The following PIP4K2A variants were observed in gnomAD, a reference collection of about 807,000 sequenced individuals.
The protein encoded by PIP4K2A is phosphatidylinositol 5-phosphate 4-kinase type-2 alpha.
PIP4K2A carries 14 observed loss-of-function variants against 42.9 expected under a neutral mutation model. That is an observed-to-expected ratio of 0.33 (90% CI 0.22 to 0.51). The LOEUF is 0.51. Among genes scored for constraint, PIP4K2A ranks in the 20% least tolerant of loss-of-function variants. The pLI is 0.97. For synonymous variants in PIP4K2A, 192 were observed against 192.2 expected (o/e 1.00, Z 0.01); for missense variants, 434 against 519.8 (o/e 0.83, Z 1.61).
intron 1 of PIP4K2A, among the ~76,000 whole-genome samples, chr10:22,668,126 AT>A (rs1171859772): frequency 6.6e-6 from 1 of 151,954 alleles, no homozygotes; most frequent in Non-Finnish European, 1.5e-5. Flanking sequence ...TGATTTTTGT[AT>A]TTTTAGTAGA....
At chr10:22,616,654 T>G (rs1417373379) in intron 1 of PIP4K2A, among the ~76,000 whole-genome samples, 2 of 152,070 alleles carry the variant, frequency 1.3e-5, no homozygotes, top group African/African-American at 4.8e-5. Context: ...GAAATTTAAG[T>G]CTTCATTGTG....
rs117626964 is a variant in PIP4K2A, at chr10:22,701,442, C to G, written c.144+12741G>C. Among the ~76,000 whole-genome samples, 1,101 of 152,270 alleles carry G rather than the reference C, an allele frequency of 7.2e-3. 6 individuals are homozygous for G. Among genetic ancestry groups the G allele is most frequent in the Middle Eastern group, 0.02 (6 of 294 alleles). ...TTCTACCACATCTATACCTGGTTAT[C>G]CAACAATGTCTGTTACCCCTGCCCA... is the stretch of plus-strand genomic sequence containing the variant. On this transcript the variant is annotated intron_variant, in intron 1 of 9. Coordinates refer to ENST00000376573, the MANE Select transcript of PIP4K2A (RefSeq NM_005028.5).
At chr10:22,604,150 A>G (rs924615891) in intron 3 of PIP4K2A, among the ~76,000 whole-genome samples, 20 of 152,220 alleles carry the variant, frequency 1.3e-4, no homozygotes, top group Admixed American at 1.3e-3. Flanking sequence ...TTTTTAAAAG[A>G]TATTCCAGAA....
At chr10:22,679,579 A>G (rs1428133577) in intron 1 of PIP4K2A, among the ~76,000 whole-genome samples, 1 of 152,212 alleles carries the variant, frequency 6.6e-6, no homozygotes, top group Non-Finnish European at 1.5e-5. Flanking sequence ...AAATAAAAAC[A>G]TGGGTCCACA....
rs1239594578 is a variant in PIP4K2A, at chr10:22,625,451, CAT to C, written c.145-15736_145-15735del. On this transcript the variant is annotated intron_variant, in intron 1 of 9. Transcript: ENST00000376573. ...TGACTATAATGTATACATCACAATACATGTTATTCGTATGCCCTGATTTCACA... is the reference window on the plus strand; with the variant it reads ...TGACTATAATGTATACATCACAATACGTTATTCGTATGCCCTGATTTCACA... 2.6e-5 allele frequency among the ~76,000 whole-genome samples: 4 copies of C among 152,234 alleles called. No individual in the cohort carries two copies. The East Asian group carries it at 7.7e-4, about 29-fold the overall frequency.
chr10:22,695,462 T>G (rs1839950334), intron 1 of PIP4K2A, among the ~76,000 whole-genome samples: 1 of 152,214 alleles, frequency 6.6e-6, no homozygotes, highest in African/African-American at 2.4e-5. Context: ...TTAGAATCAT[T>G]TATTATTTGT....
chr10:22,713,087 G>T (rs752937054), intron 1 of PIP4K2A, among the ~76,000 whole-genome samples: 56 of 152,138 alleles, frequency 3.7e-4, no homozygotes, highest in African/African-American at 1.4e-3. Context: ...AGTGGCTAAG[G>T]TCATGGTCAA....
At chr10:22,610,586 T>C (rs1354128100) in intron 1 of PIP4K2A, among the ~76,000 whole-genome samples, 5 of 152,074 alleles carry the variant, frequency 3.3e-5, no homozygotes, top group Non-Finnish European at 4.4e-5. Context: ...GAGCTATTTG[T>C]TTTTTTTAAT....
chr10:22,631,947 G>T (rs1238039680), intron 1 of PIP4K2A, among the ~76,000 whole-genome samples: 1 of 152,136 alleles, frequency 6.6e-6, no homozygotes, highest in Non-Finnish European at 1.5e-5. Flanking sequence ...GATGAGATCA[G>T]TGGACATCAC....
intron 6 of PIP4K2A, among the ~76,000 whole-genome samples, chr10:22,553,412 T>G (rs2130764563): frequency 6.6e-6 from 1 of 152,316 alleles, no homozygotes. Context: ...TCCAGCCTGT[T>G]TCCATAGATG....
At chr10:22,685,291 C>G (rs1188712581) in intron 1 of PIP4K2A, among the ~76,000 whole-genome samples, 1 of 152,144 alleles carries the variant, frequency 6.6e-6, no homozygotes, top group Non-Finnish European at 1.5e-5. Context: ...AGCATCAAGT[C>G]ATACTATTAA....
chr10:22,544,221 C>G (rs1413454565), intron 7 of PIP4K2A, among the ~76,000 whole-genome samples: 1 of 152,124 alleles, frequency 6.6e-6, no homozygotes, highest in Non-Finnish European at 1.5e-5. Context: ...AACCTGCTTT[C>G]CCGTCAGAAT....
At chr10:22,567,215 T>C (rs1025361312) in intron 6 of PIP4K2A, among the ~76,000 whole-genome samples, 6 of 152,198 alleles carry the variant, frequency 3.9e-5, no homozygotes, top group African/African-American at 1.4e-4. Context: ...CTTCCTAAAT[T>C]CCTATTCAAA....
intron 9 of PIP4K2A, 43 bp from the exon 10 acceptor site, chr10:22,537,324 G>A (rs748420759): frequency 1.4e-6 from 2 of 1,434,046 alleles, no homozygotes; most frequent in Non-Finnish European, 1.9e-6. Flanking sequence ...TAGTGTTTAT[G>A]ATTTCCCCAA....
chr10:22,624,510 A>G (rs1838395382), intron 1 of PIP4K2A, among the ~76,000 whole-genome samples: 1 of 152,242 alleles, frequency 6.6e-6, no homozygotes, highest in Non-Finnish European at 1.5e-5. Flanking sequence ...TATTTCCTGT[A>G]TTCAAAGAAC....
intron 1 of PIP4K2A, among the ~76,000 whole-genome samples, chr10:22,615,290 T>G (rs1307326032): frequency 1.3e-5 from 2 of 152,196 alleles, no homozygotes; most frequent in Non-Finnish European, 2.9e-5. Context: ...AATTTTTTTG[T>G]GGTGACAAGG....
At chr10:22,594,582 G>C (rs1837589924) in intron 3 of PIP4K2A, among the ~76,000 whole-genome samples, 1 of 152,144 alleles carries the variant, frequency 6.6e-6, no homozygotes, top group Admixed American at 6.5e-5. Flanking sequence ...TTTTAATAGA[G>C]ACAGGGTTTT....
intron 1 of PIP4K2A, among the ~76,000 whole-genome samples, chr10:22,697,811 G>A (rs1405941526): frequency 6.6e-6 from 1 of 152,062 alleles, no homozygotes; most frequent in Non-Finnish European, 1.5e-5. Context: ...TCTAGCAGAT[G>A]TCACATTACA....
intron 6 of PIP4K2A, among the ~76,000 whole-genome samples, chr10:22,565,578 G>A (rs922579794): frequency 5.3e-5 from 8 of 152,106 alleles, no homozygotes; most frequent in South Asian, 2.1e-4. Flanking sequence ...GGATAATTGC[G>A]TTAACTGCAC....
Sources: allele counts gnomAD v4.1 joint callset (sites outside exome capture counted in the v4.1 genomes callset), GRCh38; gene constraint gnomAD v4.1.1; transcripts MANE v1.5; gene names NCBI Gene and HGNC (gene_info 2026-07-23, HGNC 2026-07-21).